The following DISC1 variants were observed in gnomAD, a reference collection of about 807,000 sequenced individuals.
The protein encoded by DISC1 is disrupted in schizophrenia 1 protein.
A neutral mutation model predicts 84.5 loss-of-function variants in DISC1; 57 were observed. The observed-to-expected ratio is 0.67, with a 90% CI of 0.55 to 0.84. DISC1 has a LOEUF of 0.84. Ranked by LOEUF, DISC1 falls within the 40% of genes least tolerant of loss-of-function variation. The pLI is 0.00. For missense variants in DISC1, 1,000 were observed against 1,057.8 expected, an observed-to-expected ratio of 0.95 and a Z score of 0.76; for synonymous variants, 411 against 415.2, an observed-to-expected ratio of 0.99 and a Z score of 0.12.
At position 231,839,489 on chromosome 1, in the gene DISC1, C is replaced by G. The variant is rs572920629; in HGVS notation, c.1981+20972C>G. ...AGAGTGAGAATGATAGGAGATGAGG[C>G]TGGAGAAGTGGACAGAGCCAAACCA... On this transcript the variant is annotated intron_variant, in intron 9 of 12. Transcript: ENST00000439617. Among the ~76,000 whole-genome samples, 8 of 152,258 alleles carry G rather than the reference C, an allele frequency of 5.3e-5. No homozygotes were observed. The East Asian group carries it at 1.2e-3, about 22-fold the overall frequency.
intron 8 of DISC1, chr1:231,813,276 C>A (rs1015240773): frequency 1.3e-5 from 2 of 152,214 alleles, no homozygotes; most frequent in Non-Finnish European, 1.5e-5. Flanking sequence ...TCTCTGGAGG[C>A]ATAGTTGGTG....
In DISC1 at chr1:231,626,927, C is replaced by T; in HGVS notation, c.60C>T (p.His20=). ...PAAAGGGGVS[H]RAGSRDCLPP... ...CCGCCGGCGGCGGCGGCGTGAGCCA[C>T]CGCGCAGGTAGGGGAGCTGCCACAG... The change falls in exon 1 of 13, where the codon CAC becomes CAT. Residue 20 remains histidine, a synonymous_variant. Transcript: ENST00000439617. 2 of 1,505,370 alleles carry T rather than the reference C, an allele frequency of 1.3e-6. No individual in the cohort carries two copies. Among genetic ancestry groups the T allele is most frequent in the Non-Finnish European group, 1.8e-6 (2 of 1,134,520 alleles). The allele number at this position is 1,505,370 out of a possible 1,614,324, so 93.3% of individuals were successfully genotyped here.
At chr1:231,641,733 C>G (rs1446250323) in intron 1 of DISC1, among the ~76,000 whole-genome samples, 1 of 152,220 alleles carries the variant, frequency 6.6e-6, no homozygotes, top group African/African-American at 2.4e-5. Flanking sequence ...ATGTTCGCCA[C>G]CTCCCCACCA....
intron 10 of DISC1, among the ~76,000 whole-genome samples, chr1:231,985,468 C>T (rs932544370): frequency 6.6e-6 from 1 of 151,980 alleles, no homozygotes; most frequent in Non-Finnish European, 1.5e-5. Flanking sequence ...TCCTGCCATT[C>T]GTAGCAGCAG....
intron 9 of DISC1, among the ~76,000 whole-genome samples, chr1:231,892,420 T>C (rs188405209): frequency 6.6e-5 from 10 of 152,166 alleles, no homozygotes; most frequent in African/African-American, 1.7e-4. Flanking sequence ...CCCTCACTTA[T>C]AAACTGTGTC....
intron 4 of DISC1, among the ~76,000 whole-genome samples, chr1:231,764,640 A>G (rs992646769): frequency 6.6e-6 from 1 of 152,162 alleles, no homozygotes; most frequent in African/African-American, 2.4e-5. Flanking sequence ...CTGATGCTGG[A>G]GCACGATTAG....
At chr1:231,816,312 C>T (rs2080971760) in intron 8 of DISC1, among the ~76,000 whole-genome samples, 1 of 152,110 alleles carries the variant, frequency 6.6e-6, no homozygotes. Context: ...TTTTAATTGT[C>T]AAGTTGTAGT....
In DISC1 at chr1:231,697,748, G is replaced by A. The variant is rs576256964; in HGVS notation, c.1047+2943G>A. Among the ~76,000 whole-genome samples the A allele has an allele frequency of 5.9e-5, 9 of 151,820 alleles. No homozygotes were observed. In the South Asian group the frequency reaches 1.9e-3, roughly 32 times the overall value. On this transcript the variant is annotated intron_variant, in intron 2 of 12. Transcript: ENST00000439617. ...ACAGGCATGAGCCACCATGCCTGGT[G>A]GTAATTTTGAACCTGCACAGAGTGG...
At chr1:231,849,279 C>T (rs1419049185) in intron 9 of DISC1, among the ~76,000 whole-genome samples, 1 of 152,124 alleles carries the variant, frequency 6.6e-6, no homozygotes, top group Non-Finnish European at 1.5e-5. Context: ...CGCCACCACG[C>T]TCGGCTAATT....
chr1:231,678,259 CAGG>C (rs2063346831), intron 1 of DISC1, among the ~76,000 whole-genome samples: 1 of 152,150 alleles, frequency 6.6e-6, no homozygotes, highest in African/African-American at 2.4e-5. Flanking sequence ...GAATTGTAAA[CAGG>C]AGGTCAAAGA....
intron 9 of DISC1, among the ~76,000 whole-genome samples, chr1:231,880,764 G>C (rs867405000): frequency 0.012 from 1,796 of 152,106 alleles, 47 homozygotes; most frequent in African/African-American, 0.041. Flanking sequence ...GGTGGGGGGG[G>C]GGTGAAATCA....
chr1:231,958,015 T>C (rs988895606), intron 9 of DISC1, among the ~76,000 whole-genome samples: 3 of 152,128 alleles, frequency 2.0e-5, no homozygotes, highest in African/African-American at 7.2e-5. Context: ...ATAACAATAA[T>C]AATACTAGTA....
At chr1:231,638,182 T>C (rs1385467534) in intron 1 of DISC1, among the ~76,000 whole-genome samples, 2 of 152,206 alleles carry the variant, frequency 1.3e-5, no homozygotes, top group African/African-American at 2.4e-5. Flanking sequence ...TTAATGGAAT[T>C]ATTTTGTTGT....
chr1:231,789,764 C>T (rs1418496863), intron 6 of DISC1, among the ~76,000 whole-genome samples: 1 of 152,004 alleles, frequency 6.6e-6, no homozygotes, highest in African/African-American at 2.4e-5. Flanking sequence ...TCCATTTGCC[C>T]TTCTAATTAC....
At chr1:231,884,250 A>T (rs1359179518) in intron 9 of DISC1, among the ~76,000 whole-genome samples, 1 of 152,212 alleles carries the variant, frequency 6.6e-6, no homozygotes, top group Non-Finnish European at 1.5e-5. Context: ...ATTTGATAAC[A>T]TTTGTTATGC....
At chr1:231,997,209 A>C (rs141822326) in intron 10 of DISC1, among the ~76,000 whole-genome samples, 376 of 152,350 alleles carry the variant, frequency 2.5e-3, no homozygotes, top group Admixed American at 5.0e-3. Flanking sequence ...CAGGGTGCAC[A>C]TACTCTGTCC....
intron 6 of DISC1, among the ~76,000 whole-genome samples, chr1:231,790,659 C>T (rs1573847915): frequency 6.6e-6 from 1 of 152,102 alleles, no homozygotes; most frequent in African/African-American, 2.4e-5. Context: ...GCTGGGACTA[C>T]AGGCGCCTGC....
At chr1:231,973,093 C>T (rs1255952995) in intron 10 of DISC1, among the ~76,000 whole-genome samples, 5 of 149,242 alleles carry the variant, frequency 3.4e-5, no homozygotes, top group African/African-American at 1.2e-4. Context: ...GTTATCCAGG[C>T]TGGAGTGCAG....
intron 9 of DISC1, among the ~76,000 whole-genome samples, chr1:231,917,496 C>A (rs1268424357): frequency 6.6e-6 from 1 of 152,158 alleles, no homozygotes; most frequent in Non-Finnish European, 1.5e-5. Flanking sequence ...TAATAATGTA[C>A]AATTAAGAAT....
Sources: allele counts gnomAD v4.1 joint callset (sites outside exome capture counted in the v4.1 genomes callset), GRCh38; gene constraint gnomAD v4.1.1; transcripts MANE v1.5; gene names NCBI Gene and HGNC (gene_info 2026-07-23, HGNC 2026-07-21).